The following ABHD17C variants were observed in gnomAD, a reference collection of about 807,000 sequenced individuals.
ABHD17C encodes abhydrolase domain containing 17C, depalmitoylase.
In ABHD17C, 11 loss-of-function variants were observed where a neutral mutation model predicts 27.9. The observed-to-expected ratio is 0.39, with a 90% CI of 0.25 to 0.65. ABHD17C has a LOEUF of 0.65. Among genes scored for constraint, ABHD17C ranks in the 30% least tolerant of loss-of-function variants. The pLI, the probability that ABHD17C is intolerant of heterozygous loss-of-function variation, is 0.45. For synonymous variants in ABHD17C, 233 were observed against 209.1 expected (o/e 1.11, Z -0.98); for missense variants, 280 against 470.2 (o/e 0.60, Z 3.74).
chr15:80,701,675 T>C (rs1332431914), intron 1 of ABHD17C, among the ~76,000 whole-genome samples: 1 of 125,174 alleles, frequency 8.0e-6, no homozygotes, highest in Non-Finnish European at 1.9e-5. Flanking sequence ...CGAGACTCCA[T>C]CTCAAAAAAA....
At chr15:80,711,621 C>A (rs1467144736) in intron 1 of ABHD17C, among the ~76,000 whole-genome samples, 1 of 152,190 alleles carries the variant, frequency 6.6e-6, no homozygotes, top group Non-Finnish European at 1.5e-5. Context: ...ACCATAATTA[C>A]TTTGGCAGGA....
intron 1 of ABHD17C, among the ~76,000 whole-genome samples, chr15:80,736,179 T>G (rs1226247088): frequency 1.3e-5 from 2 of 152,270 alleles, no homozygotes; most frequent in African/African-American, 4.8e-5. Context: ...TTTCTTTGTT[T>G]TCACCATTGG....
intron 1 of ABHD17C, among the ~76,000 whole-genome samples, chr15:80,733,960 A>ATTAT (rs139005879): frequency 6.8e-4 from 98 of 144,606 alleles, no homozygotes; most frequent in East Asian, 1.4e-3. Context: ...ATTTTATTTT[A>ATTAT]TTATTTATTT....
chr15:80,695,416 A>T lies in ABHD17C; in HGVS notation c.-14A>T. The stretch of plus-strand genomic sequence containing the variant: ...CCAGCCAGCCGGGCCGGCGGCGGGC[A>T]CCAGGCCGTCCCGATGCCCGAGCCA... On this transcript the variant is annotated 5_prime_UTR_variant, in exon 1 of 3. Coordinates refer to ENST00000258884, the MANE Select transcript of ABHD17C (RefSeq NM_021214.2). This position sits in a 1 kb window ranked among gnomAD's most constrained non-coding sequence, Gnocchi z 4.3. 1 of 1,264,362 alleles carries T rather than the reference A, an allele frequency of 7.9e-7. No homozygotes were observed. Among genetic ancestry groups the T allele is most frequent in the Non-Finnish European group, 1.0e-6 (1 of 988,288 alleles). The allele number at this position is 1,264,362 out of a possible 1,614,324, so 78.3% of individuals were successfully genotyped here. A position where few individuals can be genotyped will look rare whatever the true frequency, so the allele number is the denominator to read the frequency against.
At chr15:80,752,108 C>T (rs927189467) in intron 2 of ABHD17C, among the ~76,000 whole-genome samples, 1 of 152,204 alleles carries the variant, frequency 6.6e-6, no homozygotes, top group Non-Finnish European at 1.5e-5. Context: ...ATACACCCTC[C>T]AGGCAGTAGA....
intron 1 of ABHD17C, among the ~76,000 whole-genome samples, chr15:80,698,313 C>G (rs1894523943): frequency 6.6e-6 from 1 of 152,108 alleles, no homozygotes; most frequent in Non-Finnish European, 1.5e-5. Flanking sequence ...ATCCGCCCAC[C>G]TGGGACTCCC....
At chr15:80,697,675 A>T (rs1361997715) in intron 1 of ABHD17C, among the ~76,000 whole-genome samples, 1 of 151,170 alleles carries the variant, frequency 6.6e-6, no homozygotes, top group African/African-American at 2.4e-5. Flanking sequence ...GTTGTTTTGG[A>T]TAATGTTGAA....
intron 1 of ABHD17C, among the ~76,000 whole-genome samples, chr15:80,723,164 G>A (rs1052015357): frequency 6.6e-6 from 1 of 151,672 alleles, no homozygotes; most frequent in Admixed American, 6.6e-5. Context: ...GTGTGTGTGT[G>A]TGTATCACAT....
At position 80,709,028 on chromosome 15, in the gene ABHD17C, G is replaced by A. The variant is rs527628498; in HGVS notation, c.590+13009G>A. ...GTACAATATTACCTGCTCCTGGGAA[G>A]TTTCTGCGAATCTCCTTTGCTGAAT... On this transcript the variant is annotated intron_variant, in intron 1 of 2. Transcript: ENST00000258884. Among the ~76,000 whole-genome samples the A allele has an allele frequency of 2.1e-3, 317 of 152,282 alleles. 1 individual carries two copies. The highest frequency in any genetic ancestry group is 7.5e-3 in the African/African-American group (312 of 41,542).
At chr15:80,744,961 G>C (rs1210072418) in intron 1 of ABHD17C, among the ~76,000 whole-genome samples, 1 of 152,116 alleles carries the variant, frequency 6.6e-6, no homozygotes, top group East Asian at 1.9e-4. Context: ...TGCCTCATGA[G>C]GTTTATTTTT....
At chr15:80,716,479 C>T (rs2141499484) in intron 1 of ABHD17C, among the ~76,000 whole-genome samples, 1 of 152,248 alleles carries the variant, frequency 6.6e-6, no homozygotes, top group South Asian at 2.1e-4. Flanking sequence ...TTCCCTTTAA[C>T]CCTAAAATGA....
chr15:80,752,551 C>T (rs1054694327), intron 2 of ABHD17C, among the ~76,000 whole-genome samples: 5 of 152,184 alleles, frequency 3.3e-5, no homozygotes, highest in Admixed American at 6.5e-5. Flanking sequence ...CACTGTGTTT[C>T]ATTAAATATT....
chr15:80,754,287 G>C lies in ABHD17C; in HGVS notation c.907G>C (p.Ala303Pro), dbSNP rs1895405176. 1 of 1,613,846 alleles carries C rather than the reference G, an allele frequency of 6.2e-7. No individual in the cohort carries two copies. Among genetic ancestry groups the C allele is most frequent in the Admixed American group, 1.7e-5 (1 of 59,982 alleles). ...RAVEPLWVEG[A>P]GHNDIELYAQ... ...CGTGGAGCCCCTTTGGGTTGAAGGG[G>C]CTGGGCATAATGACATAGAGCTTTA... Residue 303 changes from alanine to proline, a missense_variant, in exon 3 of 3, where the codon GCT becomes CCT. Transcript: ENST00000258884.
chr15:80,720,010 GGCTAGTCTT>G (rs1329437162), intron 1 of ABHD17C, among the ~76,000 whole-genome samples: 1 of 152,082 alleles, frequency 6.6e-6, no homozygotes, highest in East Asian at 1.9e-4. Context: ...ATGTTGGCCC[GGCTAGTCTT>G]GAACTCCTGG....
At chr15:80,752,369 C>T (rs933204966) in intron 2 of ABHD17C, among the ~76,000 whole-genome samples, 1 of 152,046 alleles carries the variant, frequency 6.6e-6, no homozygotes, top group African/African-American at 2.4e-5. Context: ...TGAAGTGGTC[C>T]GCGGCTTCCT....
At chr15:80,726,246 C>T (rs7174250) in intron 1 of ABHD17C, among the ~76,000 whole-genome samples, 50,303 of 152,070 alleles carry the variant, frequency 0.33, 10,245 homozygotes, top group Non-Finnish European at 0.47. Flanking sequence ...TCCTTGCCCT[C>T]ATTCCCATAA....
chr15:80,749,409 C>A, intron 1 of ABHD17C, 104 bp from the exon 2 acceptor site: 1 of 1,189,944 alleles, frequency 8.4e-7, no homozygotes, highest in Non-Finnish European at 1.2e-6. Flanking sequence ...TGGTTTTAAG[C>A]TGGTGGATGT....
intron 2 of ABHD17C, among the ~76,000 whole-genome samples, chr15:80,752,287 A>G (rs1895375852): frequency 6.6e-6 from 1 of 152,230 alleles, no homozygotes; most frequent in Non-Finnish European, 1.5e-5. Context: ...GCATAATTGA[A>G]TACTGCCACA....
rs1354307776 is a variant in ABHD17C at position 80,739,594 on chromosome 15, C to T, written c.591-9919C>T. On this transcript the variant is annotated intron_variant, in intron 1 of 2. Coordinates refer to ENST00000258884, the MANE Select transcript of ABHD17C (RefSeq NM_021214.2). ...AGCTGGTTGCTTAAAAAGAACCTGA[C>T]ATCTCTCTTGTTCTCTCCCCCACCA... is the stretch of plus-strand genomic sequence containing the variant. Among the ~76,000 whole-genome samples the T allele has an allele frequency of 2.6e-5, 4 of 152,100 alleles. 1 individual carries two copies. Among genetic ancestry groups the T allele is most frequent in the East Asian group, 1.9e-4 (1 of 5,180 alleles).
Sources: allele counts gnomAD v4.1 joint callset (sites outside exome capture counted in the v4.1 genomes callset), GRCh38; gene constraint gnomAD v4.1.1; non-coding constraint Gnocchi (gnomAD v3.1); transcripts MANE v1.5; gene names NCBI Gene and HGNC (gene_info 2026-07-23, HGNC 2026-07-21).